The following CTTNBP2 variants were observed in gnomAD, a reference collection of about 807,000 sequenced individuals.
CTTNBP2 encodes the protein cortactin-binding protein 2.
Under a neutral mutation model 156.9 loss-of-function variants are expected in CTTNBP2, and 108 were observed. The observed-to-expected ratio is 0.69, with a 90% CI of 0.59 to 0.81. The LOEUF is 0.81. Among genes scored for constraint, CTTNBP2 ranks in the 30% least tolerant of loss-of-function variants. The probability of loss-of-function intolerance (pLI) is 0.00; values close to 1 mark genes in which losing one functional copy is unlikely to be tolerated. For synonymous variants in CTTNBP2, 767 were observed against 751.8 expected, an observed-to-expected ratio of 1.02 and a Z score of -0.33; for missense variants, 1,924 against 2,035.4, an observed-to-expected ratio of 0.95 and a Z score of 1.05.
chr7:117,845,511 T>TA (rs375508080), intron 2 of CTTNBP2, among the ~76,000 whole-genome samples: 6 of 151,958 alleles, frequency 3.9e-5, no homozygotes, highest in South Asian at 2.1e-4. Flanking sequence ...CATTAATAAT[T>TA]AAAAAAAAGG....
At chr7:117,796,388 A>T (rs1054892791) in intron 3 of CTTNBP2, among the ~76,000 whole-genome samples, 29 of 152,236 alleles carry the variant, frequency 1.9e-4, no homozygotes, top group Admixed American at 5.2e-4. Flanking sequence ...TTAAGAGAAT[A>T]AGAGATGTAG....
intron 2 of CTTNBP2, among the ~76,000 whole-genome samples, chr7:117,832,551 C>T (rs545111850): frequency 8.6e-5 from 13 of 151,726 alleles, no homozygotes; most frequent in African/African-American, 3.1e-4. Flanking sequence ...TTTTTACATA[C>T]TACCACTCAT....
At chr7:117,840,064 C>T (rs1324985621) in intron 2 of CTTNBP2, among the ~76,000 whole-genome samples, 1 of 152,142 alleles carries the variant, frequency 6.6e-6, no homozygotes, top group Non-Finnish European at 1.5e-5. Flanking sequence ...CATATACATA[C>T]ATGCACACCT....
chr7:117,809,200 A>G (rs78418155), intron 3 of CTTNBP2, among the ~76,000 whole-genome samples: 1 of 149,208 alleles, frequency 6.7e-6, no homozygotes, highest in Non-Finnish European at 1.5e-5. Context: ...AAAAAAAAAA[A>G]TCAGCTAGAT....
At chr7:117,760,296 C>G in intron 10 of CTTNBP2, 139 bp downstream of exon 10, 4 of 760,080 alleles carry the variant, frequency 5.3e-6, no homozygotes, top group Non-Finnish European at 8.4e-6. Context: ...TGTGAATACT[C>G]AAGTTTTTCA....
chr7:117,846,152 T>C (rs910817908), intron 2 of CTTNBP2, among the ~76,000 whole-genome samples: 3 of 152,156 alleles, frequency 2.0e-5, no homozygotes, highest in Admixed American at 6.5e-5. Context: ...CGCCCGGTCC[T>C]GTTAAATATT....
rs1563083191 is a variant in CTTNBP2, at chr7:117,871,843, T to TACACACACACACACACACACACACACAC, written c.81+1491_81+1492insGTGTGTGTGTGTGTGTGTGTGTGTGTGT. On this transcript the variant is annotated intron_variant, in intron 1 of 22. Transcript: ENST00000160373. ...CCCTCTTTCTTTTTCGTCCTTCCCC[T>TACACACACACACACACACACACACACAC]TCACACACACACACACACACACACA... is the stretch of plus-strand genomic sequence containing the variant. 12 of 303,292 alleles carry TACACACACACACACACACACACACACAC rather than the reference T, an allele frequency of 4.0e-5. No homozygotes were observed. The African/African-American group carries it at 1.4e-3, about 36-fold the overall frequency. The allele number at this position is 303,292 out of a possible 1,614,324, so 18.8% of individuals were successfully genotyped here. A position where few individuals can be genotyped will look rare whatever the true frequency, so the allele number is the denominator to read the frequency against.
chr7:117,735,948 C>T (rs907201322), intron 14 of CTTNBP2, among the ~76,000 whole-genome samples: 5 of 151,998 alleles, frequency 3.3e-5, no homozygotes, highest in East Asian at 1.9e-4. Flanking sequence ...GAAGGGTTTG[C>T]GATAAGGGGG....
chr7:117,793,431 C>T (rs1189852527), intron 3 of CTTNBP2: 1 of 152,266 alleles, frequency 6.6e-6, no homozygotes, highest in Non-Finnish European at 1.5e-5. Context: ...CTACTTTGAT[C>T]CTGCTTACTC....
chr7:117,803,944 C>T (rs571809610), intron 3 of CTTNBP2, among the ~76,000 whole-genome samples: 17 of 151,892 alleles, frequency 1.1e-4, no homozygotes, highest in African/African-American at 4.1e-4. Context: ...GTTCAAAAGC[C>T]TGGCCTTTAT....
chr7:117,721,141 AGAG>A lies in CTTNBP2; in HGVS notation c.4448-14_4448-12del. 6.6e-7 allele frequency: 1 copy of A among 1,515,516 alleles called. No individual in the cohort carries two copies. Among genetic ancestry groups the A allele is most frequent in the Non-Finnish European group, 9.2e-7 (1 of 1,090,270 alleles). 93.9% of individuals were successfully genotyped at this position (1,515,516 alleles called of 1,614,324 possible). A position where few individuals can be genotyped will look rare whatever the true frequency, so the allele number is the denominator to read the frequency against. ...TCTTATTTTTCATACCTGTTAAAAAAGAGAACCATTTTCAATAGATCATTATCC... is the reference window on the plus strand; with the variant it reads ...TCTTATTTTTCATACCTGTTAAAAAAAACCATTTTCAATAGATCATTATCC... On this transcript the variant is annotated splice_polypyrimidine_tract_variant and intron_variant, in intron 19 of 22. Transcript: ENST00000160373.
intron 2 of CTTNBP2, among the ~76,000 whole-genome samples, chr7:117,853,628 TC>T (rs1803072798): frequency 6.6e-6 from 1 of 152,146 alleles, no homozygotes; most frequent in African/African-American, 2.4e-5. Context: ...AGACTGACAG[TC>T]CCCATAATTG....
At chr7:117,830,195 G>A (rs1365830789) in intron 2 of CTTNBP2, among the ~76,000 whole-genome samples, 1 of 152,148 alleles carries the variant, frequency 6.6e-6, no homozygotes, top group African/African-American at 2.4e-5. Context: ...ATGTTAAAAT[G>A]ACTCTAAAAA....
intron 12 of CTTNBP2, among the ~76,000 whole-genome samples, chr7:117,750,401 A>G (rs1326552950): frequency 6.6e-6 from 1 of 152,228 alleles, no homozygotes; most frequent in African/African-American, 2.4e-5. Flanking sequence ...TTGCATTTAC[A>G]TAGTCTAATG....
intron 16 of CTTNBP2, among the ~76,000 whole-genome samples, chr7:117,731,090 A>G (rs984130983): frequency 3.3e-5 from 5 of 152,226 alleles, no homozygotes; most frequent in African/African-American, 7.2e-5. Context: ...TTGAGCCACA[A>G]TTTATAAATT....
intron 2 of CTTNBP2, among the ~76,000 whole-genome samples, chr7:117,834,805 T>C (rs748084385): frequency 2.0e-5 from 3 of 152,266 alleles, no homozygotes; most frequent in African/African-American, 7.2e-5. Context: ...TTTTATAATT[T>C]ATTCTATTTT....
At chr7:117,861,984 C>T (rs1200443473) in intron 1 of CTTNBP2, among the ~76,000 whole-genome samples, 1 of 152,070 alleles carries the variant, frequency 6.6e-6, no homozygotes, top group East Asian at 1.9e-4. Context: ...CAATAATCCA[C>T]CGAGCCAGGA....
At chr7:117,847,394 G>GGCGT in intron 2 of CTTNBP2, among the ~76,000 whole-genome samples, 1 of 152,232 alleles carries the variant, frequency 6.6e-6, no homozygotes, top group Admixed American at 6.5e-5. Flanking sequence ...AACTTAGCTG[G>GGCGT]GCGTGGAGGT....
chr7:117,722,761 A>G (rs1027166817), intron 19 of CTTNBP2, among the ~76,000 whole-genome samples: 1 of 152,218 alleles, frequency 6.6e-6, no homozygotes, highest in Non-Finnish European at 1.5e-5. Context: ...AAGAGCCTCA[A>G]TGGGTGTCCA....
Sources: allele counts gnomAD v4.1 joint callset (sites outside exome capture counted in the v4.1 genomes callset), GRCh38; gene constraint gnomAD v4.1.1; transcripts MANE v1.5; gene names NCBI Gene and HGNC (gene_info 2026-07-23, HGNC 2026-07-21).